WRAP53: variants seen among roughly 807,000 people sequenced by gnomAD.
WRAP53 encodes WD repeat containing antisense to TP53.
A neutral mutation model predicts 56.6 loss-of-function variants in WRAP53; 28 were observed. The observed-to-expected ratio is 0.50, with a 90% confidence interval of 0.37 to 0.68. WRAP53 has a LOEUF of 0.68. WRAP53 is among the 30% of genes least tolerant of loss of function. The pLI is 0.00. For synonymous variants in WRAP53, 283 were observed against 283.4 expected, an observed-to-expected ratio of 1.00 and a Z score of 0.01; for missense variants, 671 against 715.5, an observed-to-expected ratio of 0.94 and a Z score of 0.71.
chr17:7,700,077 GTC>G (rs2074254467), intron 4 of WRAP53, among the ~76,000 whole-genome samples: 1 of 150,266 alleles, frequency 6.7e-6, no homozygotes, highest in South Asian at 2.1e-4. Context: ...GGGGGGCACT[GTC>G]TCTCTGTCAC....
Position 7,699,504 on chromosome 17 carries a change from A to T in WRAP53, c.643-1237A>T, listed in dbSNP as rs796999728. 7.6e-3 allele frequency among the ~76,000 whole-genome samples: 138 copies of T among 18,042 alleles called. 6 individuals carry two copies. The East Asian group carries it at 0.12, about 16-fold the overall frequency. 11.8% of individuals were successfully genotyped at this position (18,042 alleles called of 152,430 possible). ...TATATATATATATATATATATATTT[A>T]TATATATATATATATATTTATATAT... is the stretch of plus-strand genomic sequence containing the variant. On this transcript the variant is annotated intron_variant, in intron 4 of 10. Transcript: ENST00000396463.
Position 7,700,810 on chromosome 17 carries a change from G to A in WRAP53, c.712G>A (p.Ala238Thr). The stretch of plus-strand genomic sequence containing the variant: ...CTGCTGGTATTCTCTGATGTCCTCA[G>A]CCCAGCCAGACACCTCCTAGTAAGT... ...DYCWYSLMSS[A>T]QPDTSYVASS... The change falls in exon 5 of 11, where the codon GCC becomes ACC. Residue 238 changes from alanine (A) to threonine (T), a missense_variant. By Grantham distance (58) the Ala-to-Thr change is moderately conservative. Coordinates refer to ENST00000396463, the MANE Select transcript of WRAP53 (RefSeq NM_001143992.2). 1.2e-6 allele frequency: 2 copies of A among 1,612,880 alleles called. No homozygotes were observed. The highest frequency in any genetic ancestry group is 1.7e-6 in the Non-Finnish European group (2 of 1,179,116).
chr17:7,688,354 G>T, upstream of WRAP53: 1 of 488,588 alleles, frequency 2.0e-6, no homozygotes, highest in East Asian at 3.8e-5. Flanking sequence ...TTCACGTCCC[G>T]GCTCCGCGGG....
intron 4 of WRAP53, among the ~76,000 whole-genome samples, chr17:7,695,099 C>G (rs922573693): frequency 6.6e-6 from 1 of 151,946 alleles, no homozygotes; most frequent in African/African-American, 2.4e-5. Flanking sequence ...ACTACACGCA[C>G]CCACTGCCAC....
Position 7,700,724 on chromosome 17 carries a change from C to T in WRAP53, c.643-17C>T, listed in dbSNP as rs147151745. On this transcript the variant is annotated splice_polypyrimidine_tract_variant and intron_variant, in intron 4 of 10. Coordinates refer to ENST00000396463, the MANE Select transcript of WRAP53 (RefSeq NM_001143992.2). The stretch of plus-strand genomic sequence containing the variant: ...TTTCCCTCCGAGTGACTCAGCCATT[C>T]CCCCGTCTCTGTATAGGTCCCTGTC... The T allele has an allele frequency of 7.1e-5, 113 of 1,595,216 alleles. No homozygotes were observed. The East Asian group carries it at 2.4e-3, about 34-fold the overall frequency.
At chr17:7,698,875 A>AAAATAAAT (rs34271914) in intron 4 of WRAP53, among the ~76,000 whole-genome samples, 78 of 147,466 alleles carry the variant, frequency 5.3e-4, no homozygotes, top group East Asian at 1.2e-3. Context: ...GACTCCGTCA[A>AAAATAAAT]AAATAAATAA....
intron 4 of WRAP53, among the ~76,000 whole-genome samples, chr17:7,694,293 G>T (rs554149044): frequency 6.9e-6 from 1 of 144,440 alleles, no homozygotes; most frequent in East Asian, 2.0e-4. Context: ...GCCCAGGCTG[G>T]AGAGCAGTGG....
At position 7,702,817 on chromosome 17, in the gene WRAP53, C is replaced by G; in HGVS notation, c.1239C>G (p.Thr413=). The G allele has an allele frequency of 6.2e-7, 1 of 1,613,992 alleles. No individual in the cohort carries two copies. Among genetic ancestry groups the G allele is most frequent in the Non-Finnish European group, 8.5e-7 (1 of 1,180,006 alleles). Residue 413 remains threonine, a synonymous_variant, in exon 9 of 11, where the codon ACC becomes ACG. Transcript: ENST00000396463. The surrounding 1 kb of genome is among the most constrained non-coding windows in gnomAD (Gnocchi z 5.0). ...GGTCCCTGGGTCGAGAGGTGACCAC[C>G]AATCAGCGCATCTACTTCGATCTGG... is the stretch of plus-strand genomic sequence containing the variant. The part of the protein sequence containing the change: ...PLWSLGREVT[T]NQRIYFDLDP...
intron 4 of WRAP53, among the ~76,000 whole-genome samples, chr17:7,694,855 C>CTTT (rs35283667): frequency 7.3e-6 from 1 of 136,890 alleles, no homozygotes; most frequent in African/African-American, 2.7e-5. Context: ...CCTTTTTGTG[C>CTTT]TTTTTTTTTT....
chr17:7,703,164 T>C (rs767182183), intron 10 of WRAP53, 37 bp downstream of exon 10: 24 of 1,613,640 alleles, frequency 1.5e-5, no homozygotes, highest in Middle Eastern at 1.6e-4. Flanking sequence ...GGGGCTTGGG[T>C]TGGGGAGGGA....
At position 7,701,950 on chromosome 17, in the gene WRAP53, A is replaced by G; in HGVS notation, c.955+161A>G. ...TCGGCAGAGGAGCAAACAGGCTCAG[A>G]GCAGGTAGGAAACCTTCCCAAGGCC... On this transcript the variant is annotated intron_variant, in intron 7 of 10. Transcript: ENST00000396463. This position sits in a 1 kb window ranked among gnomAD's most constrained non-coding sequence, Gnocchi z 4.2. 7.9e-7 allele frequency: 1 copy of G among 1,269,736 alleles called. No individual in the cohort carries two copies. Among genetic ancestry groups the G allele is most frequent in the Non-Finnish European group, 1.1e-6 (1 of 903,990 alleles). 78.7% of individuals were successfully genotyped at this position (1,269,736 alleles called of 1,614,324 possible).
intron 5 of WRAP53, 127 bp downstream of exon 5, chr17:7,700,956 G>T: frequency 1.4e-6 from 1 of 733,834 alleles, no homozygotes; most frequent in South Asian, 1.4e-5. Context: ...AGAGGGGCTG[G>T]TCAGTTGGCT....
rs982941469 is a variant in WRAP53, at chr17:7,702,630, A to G, written c.1164+78A>G. Reference sequence around the variant, plus strand: ...GGGATGTAGTCTGCAGTGTAGGGGAATGGGTGGGGATGGGGAAAAAATCCC... The same window carrying G: ...GGGATGTAGTCTGCAGTGTAGGGGAGTGGGTGGGGATGGGGAAAAAATCCC... On this transcript the variant is annotated intron_variant, in intron 8 of 10. Coordinates refer to ENST00000396463, the MANE Select transcript of WRAP53 (RefSeq NM_001143992.2). The surrounding 1 kb of genome is among the most constrained non-coding windows in gnomAD (Gnocchi z 5.0). 53 of 1,592,454 alleles carry G rather than the reference A, an allele frequency of 3.3e-5. No individual in the cohort carries two copies. The highest frequency in any genetic ancestry group is 4.5e-5 in the Non-Finnish European group (53 of 1,172,144).
At chr17:7,689,935 A>T (rs2074086564) in intron 4 of WRAP53, among the ~76,000 whole-genome samples, 1 of 152,106 alleles carries the variant, frequency 6.6e-6, no homozygotes, top group Non-Finnish European at 1.5e-5. Context: ...TTCTTGTGGC[A>T]GCATATATAT....
chr17:7,694,900 C>T (rs2074162123), intron 4 of WRAP53, among the ~76,000 whole-genome samples: 2 of 150,750 alleles, frequency 1.3e-5, no homozygotes, highest in South Asian at 4.2e-4. Context: ...CTATCGCAAC[C>T]TCTCTCATTA....
chr17:7,699,336 G>T (rs1177865897), intron 4 of WRAP53, among the ~76,000 whole-genome samples: 2 of 149,036 alleles, frequency 1.3e-5, no homozygotes, highest in African/African-American at 2.5e-5. Context: ...CACAAGAATT[G>T]CTTGAACCTG....
rs781468333 is a variant in WRAP53, at chr17:7,702,396, C to T, written c.1008C>T (p.Ala336=). The change falls in exon 8 of 11, where the codon GCC becomes GCT. Residue 336 remains alanine, a synonymous_variant. Coordinates refer to ENST00000396463, the MANE Select transcript of WRAP53 (RefSeq NM_001143992.2). The surrounding 1 kb of genome is among the most constrained non-coding windows in gnomAD (Gnocchi z 5.0). Reference sequence around the variant, plus strand: ...TCTCCTGCATAGCCTTCAGCCCAGCCCAGCCCCTCTATGCCTGTGGCTCCT... The same window carrying T: ...TCTCCTGCATAGCCTTCAGCCCAGCTCAGCCCCTCTATGCCTGTGGCTCCT... The part of the protein sequence containing the change: ...GIISCIAFSP[A]QPLYACGSYG... The T allele has an allele frequency of 8.1e-6, 13 of 1,614,038 alleles. No homozygotes were observed. The South Asian group carries it at 1.1e-4, about 14-fold the overall frequency.
At chr17:7,687,526 G>T, upstream of WRAP53, 1 of 398,680 alleles carries the variant, frequency 2.5e-6, no homozygotes, top group Non-Finnish European at 4.4e-6. Context: ...TTGAGCACAT[G>T]GGAGGGGAAA....
chr17:7,688,576 C>A lies in WRAP53; in HGVS notation c.-2+15C>A. The A allele has an allele frequency of 1.3e-6, 2 of 1,556,348 alleles. No individual in the cohort carries two copies. The highest frequency in any genetic ancestry group is 4.6e-5 in the East Asian group (2 of 43,026). On this transcript the variant is annotated intron_variant, in intron 1 of 10. Coordinates refer to ENST00000396463, the MANE Select transcript of WRAP53 (RefSeq NM_001143992.2). ...GGGAAGCACAGGTGGGTTTCTTTAG[C>A]TCTGCGTCGGATCCCTGAGAACTTC... is the stretch of plus-strand genomic sequence containing the variant.
Sources: gnomAD v4.1 joint callset for allele counts (sites outside exome capture counted in the v4.1 genomes callset) on GRCh38, gnomAD v4.1.1 for gene constraint, Gnocchi (gnomAD v3.1) non-coding constraint, MANE v1.5 for transcripts, NCBI Gene and HGNC (gene_info 2026-07-23, HGNC 2026-07-21) for gene names.